COL5A1: variants seen among roughly 807,000 people sequenced by gnomAD.
COL5A1 encodes the protein collagen type V alpha 1 chain, also known as collagen alpha-1(V) chain.
In COL5A1, 16 loss-of-function variants were observed where a neutral mutation model predicts 263.7. The observed-to-expected ratio is 0.06, with a 90% CI of 0.04 to 0.09. COL5A1 has a LOEUF of 0.09. Among genes scored for constraint, COL5A1 ranks in the 10% least tolerant of loss-of-function variants. The pLI is 1.00. For missense variants in COL5A1, 2,036 were observed against 2,540.5 expected, an observed-to-expected ratio of 0.80 and a Z score of 4.27; for synonymous variants, 1,012 against 1,004.5, an observed-to-expected ratio of 1.01 and a Z score of -0.14.
chr9:134,703,629 T>G (rs1833743799), intron 4 of COL5A1, among the ~76,000 whole-genome samples: 1 of 12,008 alleles, frequency 8.3e-5, no homozygotes, highest in Non-Finnish European at 2.1e-4. Flanking sequence ...GGCCTCGGGT[T>G]TTTTTTTTTT....
intron 65 of COL5A1, among the ~76,000 whole-genome samples, chr9:134,840,309 G>A (rs1839983541): frequency 6.6e-6 from 1 of 152,200 alleles, no homozygotes; most frequent in Non-Finnish European, 1.5e-5. Flanking sequence ...TGTGAGAAGG[G>A]CAGGGTCAGG....
chr9:134,804,898 C>T, intron 39 of COL5A1, 77 bp from the exon 40 acceptor site: 1 of 1,287,478 alleles, frequency 7.8e-7, no homozygotes, highest in Non-Finnish European at 1.1e-6. Context: ...AGGCCCCAGC[C>T]CTTGGCTTCG....
Position 134,842,343 on chromosome 9 carries a change from C to G in COL5A1, c.*40C>G. On this transcript the variant is annotated 3_prime_UTR_variant, in exon 66 of 66. Coordinates refer to ENST00000371817, the MANE Select transcript of COL5A1 (RefSeq NM_000093.5). The surrounding 1 kb of genome is among the most constrained non-coding windows in gnomAD (Gnocchi z 5.8). Reference sequence around the variant, plus strand: ...GGGCTCCCGAGAGCAACCTCGTGACCTCAGCATGCCATTCGTTCGTGAGTG... The same window carrying G: ...GGGCTCCCGAGAGCAACCTCGTGACGTCAGCATGCCATTCGTTCGTGAGTG... The G allele has an allele frequency of 1.2e-6, 2 of 1,612,152 alleles. No individual in the cohort carries two copies. The highest frequency in any genetic ancestry group is 1.7e-6 in the Non-Finnish European group (2 of 1,179,308).
rs1835996839 is a variant in COL5A1, at chr9:134,756,918, T to C, written c.1881+100T>C. Reference sequence around the variant, plus strand: ...ATGCTGGTTATGTGATGACTACGATTATGATGACAGGTGGCTCCGTCACTG... The same window carrying C: ...ATGCTGGTTATGTGATGACTACGATCATGATGACAGGTGGCTCCGTCACTG... On this transcript the variant is annotated intron_variant, in intron 17 of 65. Coordinates refer to ENST00000371817, the MANE Select transcript of COL5A1 (RefSeq NM_000093.5). 49 of 1,188,794 alleles carry C rather than the reference T, an allele frequency of 4.1e-5. No homozygotes were observed. The South Asian group carries it at 5.9e-4, about 14-fold the overall frequency. The allele number at this position is 1,188,794 out of a possible 1,614,324, so 73.6% of individuals were successfully genotyped here.
intron 11 of COL5A1, among the ~76,000 whole-genome samples, chr9:134,746,872 G>A (rs1026507061): frequency 1.4e-4 from 22 of 152,354 alleles, no homozygotes; most frequent in South Asian, 1.2e-3. Context: ...CTGCTGGAGC[G>A]TTCCCTTGGT....
intron 64 of COL5A1, among the ~76,000 whole-genome samples, chr9:134,831,748 T>C (rs1480958260): frequency 6.6e-6 from 1 of 152,228 alleles, no homozygotes; most frequent in African/African-American, 2.4e-5. Flanking sequence ...AAGAGCCTAT[T>C]TTCCTCGCTT....
rs564993901 is a variant in COL5A1, at chr9:134,684,922, C to A, written c.110-5990C>A. Among the ~76,000 whole-genome samples, 107 of 142,368 alleles carry A rather than the reference C, an allele frequency of 7.5e-4. 1 individual carries two copies. Among genetic ancestry groups the A allele is most frequent in the Middle Eastern group, 3.6e-3 (1 of 276 alleles). 93.4% of individuals were successfully genotyped at this position (142,368 alleles called of 152,430 possible). ...CCATCTATCCATTCACCCATCCATC[C>A]ATTCATCCATCCATCCACCATCCAT... On this transcript the variant is annotated intron_variant, in intron 1 of 65. Coordinates refer to ENST00000371817, the MANE Select transcript of COL5A1 (RefSeq NM_000093.5).
intron 39 of COL5A1, among the ~76,000 whole-genome samples, chr9:134,803,211 C>T (rs1048296713): frequency 6.6e-5 from 10 of 152,140 alleles, no homozygotes; most frequent in Admixed American, 4.6e-4. Context: ...GAAGGGGGAG[C>T]GCAGGGGTCA....
chr9:134,706,667 C>A (rs1267982868), intron 4 of COL5A1, among the ~76,000 whole-genome samples: 1 of 152,212 alleles, frequency 6.6e-6, no homozygotes, highest in African/African-American at 2.4e-5. Context: ...CTGTCCCCAG[C>A]CTGGAAGGGA....
At position 134,701,231 on chromosome 9, in the gene COL5A1, AAAG is replaced by A. The variant is rs1449614075; in HGVS notation, c.557_559del (p.Lys186del). The stretch of plus-strand genomic sequence containing the variant: ...ATGTCACCTTGATCCTCGACTGTAA[AAAG>A]AAGACCACCAAATTCCTCGACCGCA... On this transcript the variant is annotated inframe_deletion, in exon 4 of 66. Transcript: ENST00000371817. 2.5e-6 allele frequency: 4 copies of A among 1,613,986 alleles called. No individual in the cohort carries two copies. Among genetic ancestry groups the A allele is most frequent in the Middle Eastern group, 1.6e-4 (1 of 6,062 alleles).
intron 32 of COL5A1, among the ~76,000 whole-genome samples, chr9:134,790,174 G>A (rs1837617116): frequency 6.6e-6 from 1 of 152,182 alleles, no homozygotes; most frequent in Non-Finnish European, 1.5e-5. Context: ...AACCTTATGA[G>A]CAAACAAATG....
At chr9:134,801,549 G>A (rs944323090) in intron 37 of COL5A1, among the ~76,000 whole-genome samples, 1 of 152,250 alleles carries the variant, frequency 6.6e-6, no homozygotes, top group African/African-American at 2.4e-5. Flanking sequence ...CGCACTTTGG[G>A]AGGCTGAGGC....
chr9:134,752,720 G>A (rs1373484609), intron 14 of COL5A1, 75 bp downstream of exon 14: 9 of 1,222,490 alleles, frequency 7.4e-6, no homozygotes, highest in Non-Finnish European at 1.1e-5. Context: ...GGCGGACAGT[G>A]GCAGGTGGCC....
chr9:134,839,197 A>C (rs1564190203), intron 65 of COL5A1, among the ~76,000 whole-genome samples: 1 of 152,226 alleles, frequency 6.6e-6, no homozygotes, highest in Non-Finnish European at 1.5e-5. Context: ...GTGGAGAGGC[A>C]CAAATCACCT....
At chr9:134,703,186 G>T (rs1305101542) in intron 4 of COL5A1, among the ~76,000 whole-genome samples, 1 of 152,224 alleles carries the variant, frequency 6.6e-6, no homozygotes, top group East Asian at 1.9e-4. Context: ...TGGGGCTTCG[G>T]TAGAGCAGGG....
At chr9:134,738,403 C>A in intron 9 of COL5A1, 71 bp from the exon 10 acceptor site, 1 of 1,571,642 alleles carries the variant, frequency 6.4e-7, no homozygotes, top group Non-Finnish European at 8.7e-7. Context: ...GAAGGCCGTC[C>A]ACACCACTGG....
chr9:134,751,266 T>G (rs1392461210), intron 13 of COL5A1, among the ~76,000 whole-genome samples: 2 of 151,928 alleles, frequency 1.3e-5, no homozygotes, highest in African/African-American at 4.8e-5. Context: ...GGGGACTGTT[T>G]GGGGAGTTTC....
At chr9:134,759,203 AC>A (rs1213523275) in intron 18 of COL5A1, among the ~76,000 whole-genome samples, 3 of 149,384 alleles carry the variant, frequency 2.0e-5, no homozygotes, top group Non-Finnish European at 3.0e-5. Context: ...GTGAGTGCAC[AC>A]CCCCCATGCA....
intron 1 of COL5A1, among the ~76,000 whole-genome samples, chr9:134,669,651 C>T (rs903068279): frequency 3.3e-5 from 5 of 151,996 alleles, no homozygotes; most frequent in Non-Finnish European, 7.4e-5. Flanking sequence ...CAGCAGCAGC[C>T]GACGGTACAG....
Sources: gnomAD v4.1 joint callset for allele counts (sites outside exome capture counted in the v4.1 genomes callset) on GRCh38, gnomAD v4.1.1 for gene constraint, Gnocchi (gnomAD v3.1) non-coding constraint, MANE v1.5 for transcripts, NCBI Gene and HGNC (gene_info 2026-07-23, HGNC 2026-07-21) for gene names.